OR52N4: variants seen among roughly 807,000 people sequenced by gnomAD.
OR52N4 encodes olfactory receptor family 52 subfamily N member 4.
OR52N4 carries 15 observed loss-of-function variants against 15.0 expected under a neutral mutation model. That is an observed-to-expected ratio of 1.00 (90% CI 0.67 to 1.54). The LOEUF (loss-of-function observed/expected upper bound fraction) is 1.54. Ranked by LOEUF, OR52N4 falls within the 40% of genes most tolerant of loss-of-function variation. The pLI, the probability that OR52N4 is intolerant of heterozygous loss-of-function variation, is 0.00. For synonymous variants in OR52N4, 143 were observed against 143.7 expected (o/e 1.00, Z 0.03); for missense variants, 421 against 394.0 (o/e 1.07, Z -0.58).
chr11:5,735,501 A>T, the OR52N4 span, among the ~76,000 whole-genome samples: 1 of 152,106 alleles, frequency 6.6e-6, no homozygotes, highest in African/African-American at 2.4e-5. Context: ...GAAAGAAAGA[A>T]TTATGGAAAA....
the OR52N4 span, among the ~76,000 whole-genome samples, chr11:5,741,619 C>T: frequency 0.79 from 120,307 of 152,154 alleles, 48,178 homozygotes; most frequent in Non-Finnish European, 0.86. Context: ...TGAGTGGGGG[C>T]ACCAGTATTA....
At chr11:5,729,114 ATT>A in the OR52N4 span, among the ~76,000 whole-genome samples, 13 of 82,916 alleles carry the variant, frequency 1.6e-4, no homozygotes, top group Non-Finnish European at 2.8e-4. Flanking sequence ...TTAAATTGAG[ATT>A]TTTTTTTTTT....
the OR52N4 span, among the ~76,000 whole-genome samples, chr11:5,745,968 T>C: frequency 1.2e-4 from 18 of 152,220 alleles, no homozygotes; most frequent in South Asian, 3.7e-3. Context: ...CATAGATCAG[T>C]AAAACAGAAT....
At chr11:5,740,905 G>T in the OR52N4 span, among the ~76,000 whole-genome samples, 2 of 127,552 alleles carry the variant, frequency 1.6e-5, 1 homozygote, top group Non-Finnish European at 3.5e-5. Flanking sequence ...TAACAAGACA[G>T]AACTATTATA....
At chr11:5,750,811 C>A (rs1312091721), upstream of OR52N4, among the ~76,000 whole-genome samples, 1 of 151,790 alleles carries the variant, frequency 6.6e-6, no homozygotes, top group Non-Finnish European at 1.5e-5. Context: ...TATGCTTTTA[C>A]AAAATAATAA....
At position 5,754,734 on chromosome 11, in the gene OR52N4, A is replaced by T. The variant is rs368536720; in HGVS notation, c.-7A>T. Reference sequence around the variant, plus strand: ...TTTGAGCTATTTCATAACCTACCAGACTTATCATGCTAACACTGAATAAAA... The same window carrying T: ...TTTGAGCTATTTCATAACCTACCAGTCTTATCATGCTAACACTGAATAAAA... On this transcript the variant is annotated 5_prime_UTR_variant, in exon 2 of 2. Transcript: ENST00000641350. 1.2e-6 allele frequency: 2 copies of T among 1,605,650 alleles called. No individual in the cohort carries two copies. Among genetic ancestry groups the T allele is most frequent in the African/African-American group, 2.7e-5 (2 of 74,616 alleles).
the OR52N4 span, chr11:5,737,709 T>A: frequency 2.3e-6 from 1 of 427,856 alleles, no homozygotes; most frequent in Non-Finnish European, 4.1e-6. Flanking sequence ...TGGAAGAAAT[T>A]TCTGCCAAAT....
At chr11:5,748,815 T>C in the OR52N4 span, among the ~76,000 whole-genome samples, 1 of 152,052 alleles carries the variant, frequency 6.6e-6, no homozygotes, top group Non-Finnish European at 1.5e-5. Context: ...TATTAAATCC[T>C]AGTCTTTACT....
chr11:5,729,115 T>TA, the OR52N4 span, among the ~76,000 whole-genome samples: 357 of 20,126 alleles, frequency 0.018, 8 homozygotes, highest in African/African-American at 0.087. Context: ...TAAATTGAGA[T>TA]TTTTTTTTTT....
Position 5,755,912 on chromosome 11 carries a change from A to AG in OR52N4, c.*206_*207insG. 1 of 590,812 alleles carries AG rather than the reference A, an allele frequency of 1.7e-6. No individual in the cohort carries two copies. The highest frequency in any genetic ancestry group is 2.9e-6 in the Non-Finnish European group (1 of 343,970). 36.6% of individuals were successfully genotyped at this position (590,812 alleles called of 1,614,324 possible). A position where few individuals can be genotyped will look rare whatever the true frequency, so the allele number is the denominator to read the frequency against. ...CTATAAATTTTTTACCTTCTCACTC[A>AG]TGTGAAGGACCAGTCTAATAATTAA... On this transcript the variant is annotated 3_prime_UTR_variant, in exon 2 of 2. Coordinates refer to ENST00000641350, the MANE Select transcript of OR52N4 (RefSeq NM_001005175.5).
chr11:5,744,975 G>C, the OR52N4 span, among the ~76,000 whole-genome samples: 3 of 152,000 alleles, frequency 2.0e-5, no homozygotes, highest in Non-Finnish European at 4.4e-5. Flanking sequence ...TGTGGAAAAA[G>C]CTTTTGACAA....
At chr11:5,731,490 A>G in the OR52N4 span, among the ~76,000 whole-genome samples, 23 of 152,334 alleles carry the variant, frequency 1.5e-4, no homozygotes, top group East Asian at 4.2e-3. Context: ...CCTTTTCTCT[A>G]CATTAAAAAT....
chr11:5,732,025 T>A, the OR52N4 span, among the ~76,000 whole-genome samples: 4 of 147,754 alleles, frequency 2.7e-5, no homozygotes, highest in Middle Eastern at 3.4e-3. Flanking sequence ...CATAAAGTTA[T>A]TTTTTTTGCA....
chr11:5,750,909 A>C (rs1205460864), upstream of OR52N4, among the ~76,000 whole-genome samples: 1 of 152,068 alleles, frequency 6.6e-6, no homozygotes, highest in Non-Finnish European at 1.5e-5. Flanking sequence ...ATGAGTTTAT[A>C]AGCTGCTATG....
the OR52N4 span, among the ~76,000 whole-genome samples, chr11:5,740,077 C>A: frequency 2.4e-5 from 3 of 127,296 alleles, 1 homozygote; most frequent in Admixed American, 1.5e-4. Flanking sequence ...CACATTTTCC[C>A]CCCAATAAAC....
At chr11:5,753,965 G>T (rs1316508410), upstream of OR52N4, among the ~76,000 whole-genome samples, 9 of 142,188 alleles carry the variant, frequency 6.3e-5, no homozygotes, top group Non-Finnish European at 1.5e-5. Flanking sequence ...CTCCAGCCTG[G>T]GCAACAAAGC....
At chr11:5,739,011 C>A in the OR52N4 span, among the ~76,000 whole-genome samples, 25,127 of 125,530 alleles carry the variant, frequency 0.2, 7,413 homozygotes, top group African/African-American at 0.32. Flanking sequence ...CAAAAGTAAA[C>A]CCTATCAGTT....
the OR52N4 span, among the ~76,000 whole-genome samples, chr11:5,730,190 T>C: frequency 1.6e-4 from 5 of 31,242 alleles, no homozygotes; most frequent in East Asian, 3.6e-3. Flanking sequence ...GCAGTAACCA[T>C]TTTTTTTTTT....
At chr11:5,737,053 C>A in the OR52N4 span, 1 of 1,614,110 alleles carries the variant, frequency 6.2e-7, no homozygotes, top group Middle Eastern at 1.6e-4. Context: ...ATTATTGCTC[C>A]AAGAATGAAA....
Sources: gnomAD v4.1 joint callset for allele counts (sites outside exome capture counted in the v4.1 genomes callset) on GRCh38, gnomAD v4.1.1 for gene constraint, MANE v1.5 for transcripts, NCBI Gene and HGNC (gene_info 2026-07-23, HGNC 2026-07-21) for gene names.